Variants in RPH3A observed in about 807,000 individuals in gnomAD.
RPH3A encodes the protein rabphilin-3A.
In RPH3A, 48 loss-of-function variants were observed where a neutral mutation model predicts 102.2. The observed-to-expected ratio is 0.47, with a 90% CI of 0.37 to 0.60. RPH3A has a LOEUF of 0.60. Ranked by LOEUF, RPH3A falls within the 20% of genes least tolerant of loss-of-function variation. The pLI, the probability that RPH3A is intolerant of heterozygous loss-of-function variation, is 0.00. For missense variants in RPH3A, 781 were observed against 910.1 expected (o/e 0.86, Z 1.83); for synonymous variants, 310 against 324.3 (o/e 0.96, Z 0.47).
intron 16 of RPH3A, among the ~76,000 whole-genome samples, chr12:112,885,181 C>T (rs999892543): frequency 2.0e-5 from 3 of 152,200 alleles, no homozygotes; most frequent in African/African-American, 7.2e-5. Flanking sequence ...ATTCTAGTAG[C>T]TGTTTCTAGG....
At position 112,791,961 on chromosome 12, in the gene RPH3A, C is replaced by T. The variant is rs1162363769; in HGVS notation, c.-191C>T. The T allele has an allele frequency of 7.0e-6, 1 of 143,414 alleles. No individual in the cohort carries two copies. Among genetic ancestry groups the T allele is most frequent in the African/African-American group, 2.6e-5 (1 of 37,952 alleles). The allele number at this position is 143,414 out of a possible 1,614,324, so 8.9% of individuals were successfully genotyped here. On this transcript the variant is annotated 5_prime_UTR_variant, in exon 1 of 22. Transcript: ENST00000389385. Reference sequence around the variant, plus strand: ...AGGACAGTCTGAGGGAGCCACTGTCCCTTGTCCACTGACTCACTGGCTGGT... The same window carrying T: ...AGGACAGTCTGAGGGAGCCACTGTCTCTTGTCCACTGACTCACTGGCTGGT...
chr12:112,705,175 G>A (rs746622690), intron 1 of RPH3A, among the ~76,000 whole-genome samples: 2 of 152,202 alleles, frequency 1.3e-5, no homozygotes, highest in Non-Finnish European at 2.9e-5. Flanking sequence ...GGAAAAGGTA[G>A]GGATCTGCTC....
chr12:112,714,659 A>T (rs2040502242), intron 1 of RPH3A, among the ~76,000 whole-genome samples: 1 of 152,204 alleles, frequency 6.6e-6, no homozygotes, highest in South Asian at 2.1e-4. Context: ...GGCAGTAAAG[A>T]GAGCCTTTAA....
intron 6 of RPH3A, 75 bp downstream of exon 6, chr12:112,865,618 G>A: frequency 6.7e-7 from 1 of 1,492,384 alleles, no homozygotes; most frequent in Non-Finnish European, 9.0e-7. Flanking sequence ...CAGCTGTAGG[G>A]GTCACTGGGT....
chr12:112,746,854 A>G (rs573536963), intron 1 of RPH3A, among the ~76,000 whole-genome samples: 2 of 151,442 alleles, frequency 1.3e-5, no homozygotes, highest in South Asian at 2.1e-4. Context: ...CTCTCTCCCC[A>G]TCTCTTTCCC....
chr12:112,618,546 C>T (rs2039698137), intron 1 of RPH3A, among the ~76,000 whole-genome samples: 1 of 152,064 alleles, frequency 6.6e-6, no homozygotes, highest in African/African-American at 2.4e-5. Context: ...AGTACATTGC[C>T]CATTTCAAGA....
chr12:112,711,385 AG>A (rs1358946906), intron 1 of RPH3A, among the ~76,000 whole-genome samples: 1 of 151,966 alleles, frequency 6.6e-6, no homozygotes, highest in East Asian at 1.9e-4. Flanking sequence ...TCTTCCTTAA[AG>A]CCTTGAGAAG....
chr12:112,827,829 A>G (rs997645963), intron 2 of RPH3A, among the ~76,000 whole-genome samples: 4 of 151,886 alleles, frequency 2.6e-5, no homozygotes, highest in Admixed American at 6.6e-5. Flanking sequence ...GCAAACCACT[A>G]TGGCACATGT....
chr12:112,610,557 A>G (rs1215650758), intron 1 of RPH3A, among the ~76,000 whole-genome samples: 1 of 151,272 alleles, frequency 6.6e-6, no homozygotes, highest in Non-Finnish European at 1.5e-5. Context: ...GGAGCAGCTC[A>G]CTTAGTCCCT....
chr12:112,811,251 C>T (rs1179319534), intron 2 of RPH3A, among the ~76,000 whole-genome samples: 2 of 152,100 alleles, frequency 1.3e-5, no homozygotes, highest in African/African-American at 2.4e-5. Context: ...CTGATCAATA[C>T]CTAATCTTGT....
intron 10 of RPH3A, among the ~76,000 whole-genome samples, chr12:112,870,476 C>T (rs149123665): frequency 2.0e-3 from 298 of 152,030 alleles, no homozygotes; most frequent in African/African-American, 6.9e-3. Flanking sequence ...GACATGTGCT[C>T]GTATTGGGTA....
chr12:112,837,581 C>A (rs11837001), intron 4 of RPH3A, among the ~76,000 whole-genome samples: 2,691 of 152,288 alleles, frequency 0.018, 96 homozygotes, highest in African/African-American at 0.061. Flanking sequence ...TTTGAACAAG[C>A]TGCCTTGTAA....
At chr12:112,658,425 C>T (rs1415618454) in intron 1 of RPH3A, among the ~76,000 whole-genome samples, 2 of 152,176 alleles carry the variant, frequency 1.3e-5, no homozygotes, top group Non-Finnish European at 2.9e-5. Flanking sequence ...GATCTGCCCA[C>T]CTCGGCCTCC....
chr12:112,892,711 A>G (rs2043119613), intron 19 of RPH3A, among the ~76,000 whole-genome samples: 1 of 152,214 alleles, frequency 6.6e-6, no homozygotes, highest in Admixed American at 6.5e-5. Context: ...GGTCTGGTAC[A>G]CAGTAAATGC....
chr12:112,751,178 C>T lies in RPH3A; in HGVS notation c.-139-40965C>T, dbSNP rs114778904. Among the ~76,000 whole-genome samples the T allele has an allele frequency of 3.0e-3, 455 of 152,354 alleles. 1 individual carries two copies. Among genetic ancestry groups the T allele is most frequent in the African/African-American group, 0.01 (417 of 41,576 alleles). ...GTTCCTTGTAACTGCATACTCACTA[C>T]ATGATTCACACACACATGCTCAGCT... On this transcript the variant is annotated intron_variant, in intron 1 of 21. Transcript: ENST00000543106.
At chr12:112,727,907 A>G (rs544308606) in intron 1 of RPH3A, among the ~76,000 whole-genome samples, 31 of 152,272 alleles carry the variant, frequency 2.0e-4, no homozygotes, top group African/African-American at 6.3e-4. Context: ...TCCTGGGATG[A>G]CGATTTCTTC....
intron 1 of RPH3A, among the ~76,000 whole-genome samples, chr12:112,666,472 T>G (rs2136006349): frequency 6.6e-6 from 1 of 152,216 alleles, no homozygotes; most frequent in Non-Finnish European, 1.5e-5. Context: ...CACCTGAAAC[T>G]TCTCATGTTT....
intron 5 of RPH3A, among the ~76,000 whole-genome samples, chr12:112,863,096 C>T (rs1054334686): frequency 6.6e-6 from 1 of 152,156 alleles, no homozygotes; most frequent in Non-Finnish European, 1.5e-5. Flanking sequence ...AAAAAAAACC[C>T]GAAGTGGAAA....
At chr12:112,589,332 C>T (rs529716437) in intron 1 of RPH3A, among the ~76,000 whole-genome samples, 5 of 152,262 alleles carry the variant, frequency 3.3e-5, no homozygotes, top group African/African-American at 1.2e-4. Context: ...GACTTCAGCC[C>T]ATTTAACTCC....
Sources: gnomAD v4.1 joint callset for allele counts (sites outside exome capture counted in the v4.1 genomes callset) on GRCh38, gnomAD v4.1.1 for gene constraint, MANE v1.5 for transcripts, NCBI Gene and HGNC (gene_info 2026-07-23, HGNC 2026-07-21) for gene names.